WWP2: variants seen among roughly 807,000 people sequenced by gnomAD.
WWP2 encodes NEDD4-like E3 ubiquitin-protein ligase WWP2.
A neutral mutation model predicts 121.0 loss-of-function variants in WWP2; 57 were observed. That is an observed-to-expected ratio of 0.47 (90% CI 0.38 to 0.59). The LOEUF (loss-of-function observed/expected upper bound fraction) is 0.59, where lower values mean the gene tolerates loss of function less well. WWP2 is among the 20% of genes least tolerant of loss of function. The probability of loss-of-function intolerance (pLI) is 0.00; values close to 1 mark genes in which losing one functional copy is unlikely to be tolerated. For missense variants in WWP2, 962 were observed against 1,158.9 expected, an observed-to-expected ratio of 0.83 and a Z score of 2.47; for synonymous variants, 449 against 441.3, an observed-to-expected ratio of 1.02 and a Z score of -0.22.
rs144809496 is a variant in WWP2 at position 69,896,368 on chromosome 16, A to T, written c.914+8119A>T. ...TCTTGGAGGCTCAAGCGATCCTCCT[A>T]TCTTGGCCTACCAAAGTGCTGGGGT... On this transcript the variant is annotated intron_variant, in intron 8 of 23. Coordinates refer to ENST00000359154, the MANE Select transcript of WWP2 (RefSeq NM_001270454.2). Among the ~76,000 whole-genome samples, 773 of 152,206 alleles carry T rather than the reference A, an allele frequency of 5.1e-3. 6 individuals carry two copies. Among genetic ancestry groups the T allele is most frequent in the African/African-American group, 0.018 (741 of 41,540 alleles).
intron 8 of WWP2, among the ~76,000 whole-genome samples, chr16:69,903,932 C>T (rs2058247597): frequency 1.3e-5 from 2 of 152,122 alleles, no homozygotes; most frequent in South Asian, 4.1e-4. Flanking sequence ...GGCTTTTGTG[C>T]CACAAAACTA....
At chr16:69,866,695 T>C (rs1345649697) in intron 6 of WWP2, among the ~76,000 whole-genome samples, 1 of 152,184 alleles carries the variant, frequency 6.6e-6, no homozygotes, top group Non-Finnish European at 1.5e-5. Flanking sequence ...CCATACTTTA[T>C]CCATTTGTCG....
chr16:69,832,742 C>T (rs1372143886), intron 4 of WWP2, among the ~76,000 whole-genome samples: 1 of 152,188 alleles, frequency 6.6e-6, no homozygotes, highest in Non-Finnish European at 1.5e-5. Context: ...TGGGGTTTTG[C>T]CATGTTGGCC....
At chr16:69,796,512 G>A (rs60231938) in intron 2 of WWP2, among the ~76,000 whole-genome samples, 40,323 of 152,122 alleles carry the variant, frequency 0.27, 5,862 homozygotes, top group East Asian at 0.41. Context: ...GCTCACTGCC[G>A]CTGCCCAGTA....
intron 4 of WWP2, among the ~76,000 whole-genome samples, chr16:69,805,635 G>A (rs1209198112): frequency 6.6e-6 from 1 of 151,490 alleles, no homozygotes; most frequent in East Asian, 1.9e-4. Flanking sequence ...TTTTGAGACA[G>A]GATCTTGCTT....
chr16:69,798,580 A>G, intron 2 of WWP2, 102 bp from the exon 3 acceptor site: 2 of 1,347,546 alleles, frequency 1.5e-6, no homozygotes, highest in Non-Finnish European at 2.0e-6. Flanking sequence ...GTATTGATTT[A>G]TTTTTTAAAG....
chr16:69,939,041 G>A lies in WWP2; in HGVS notation c.2358G>A (p.Met786Ile), dbSNP rs756764558. 1.1e-5 allele frequency: 17 copies of A among 1,604,468 alleles called. No homozygotes were observed. Among genetic ancestry groups the A allele is most frequent in the African/African-American group, 5.3e-5 (4 of 74,800 alleles). The change falls in exon 22 of 24, where the codon ATG (methionine) becomes ATA (isoleucine). Residue 786 changes from methionine to isoleucine, a missense_variant. Met to Ile is a conservative substitution (Grantham distance 10). Coordinates refer to ENST00000359154, the MANE Select transcript of WWP2 (RefSeq NM_001270454.2). ...CGGACTTCCAGGTGGTGAAGGAGAT[G>A]GACAACGAGAAGAGGATCCGGCTGC... is the stretch of plus-strand genomic sequence containing the variant. ...IQWFWQVVKE[M>I]DNEKRIRLLQ...
rs1597119932 is a variant in WWP2, at chr16:69,892,902, A to C, written c.914+4653A>C. Among the ~76,000 whole-genome samples the C allele has an allele frequency of 2.0e-5, 3 of 152,344 alleles. No individual in the cohort carries two copies. The South Asian group carries it at 6.2e-4, about 32-fold the overall frequency. On this transcript the variant is annotated intron_variant, in intron 8 of 23. Coordinates refer to ENST00000359154, the MANE Select transcript of WWP2 (RefSeq NM_001270454.2). ...CCATTTAGAATGCTCCAGTGGCTTC[A>C]TATTGTCTTTGGGGATAAATTCCCA...
intron 6 of WWP2, among the ~76,000 whole-genome samples, chr16:69,856,792 A>AT (rs2057321823): frequency 6.6e-6 from 1 of 152,014 alleles, no homozygotes; most frequent in African/African-American, 2.4e-5. Context: ...AAAATAAAAA[A>AT]AAAATACAAC....
intron 6 of WWP2, among the ~76,000 whole-genome samples, chr16:69,849,230 G>C (rs990508490): frequency 6.6e-6 from 1 of 152,188 alleles, no homozygotes; most frequent in African/African-American, 2.4e-5. Flanking sequence ...GCAGGGAGGA[G>C]GGGTGGAGGG....
Position 69,772,994 on chromosome 16 carries a change from T to C in WWP2, c.-16+10603T>C, listed in dbSNP as rs2055448339. On this transcript the variant is annotated intron_variant, in intron 1 of 23. Coordinates refer to ENST00000359154, the MANE Select transcript of WWP2 (RefSeq NM_001270454.2). ...CTTTTTGTATTGCTTCCTGTCATTT[T>C]GATGGAGTTTGAGAAGGGAACAGAG... 2.0e-5 allele frequency among the ~76,000 whole-genome samples: 3 copies of C among 152,114 alleles called. No individual in the cohort carries two copies. In the South Asian group the frequency reaches 6.2e-4, roughly 32 times the overall value.
chr16:69,803,715 C>G (rs942440145), intron 4 of WWP2, among the ~76,000 whole-genome samples: 2 of 152,116 alleles, frequency 1.3e-5, no homozygotes, highest in Non-Finnish European at 2.9e-5. Flanking sequence ...CGAGACCAGC[C>G]TAGCCAATAT....
Position 69,937,716 on chromosome 16 carries a change from G to T in WWP2, c.2343+64G>T. 5.2e-6 allele frequency: 8 copies of T among 1,539,622 alleles called. No homozygotes were observed. Among genetic ancestry groups the T allele is most frequent in the Non-Finnish European group, 1.8e-6 (2 of 1,118,534 alleles). On this transcript the variant is annotated intron_variant, in intron 21 of 23. Coordinates refer to ENST00000359154, the MANE Select transcript of WWP2 (RefSeq NM_001270454.2). The surrounding 1 kb of genome is among the most constrained non-coding windows in gnomAD (Gnocchi z 6.6). ...CCATCAACCAAAGGAAACGGGTCCT[G>T]AGGAGGCCTCACGCGCAAGGACCTT... is the stretch of plus-strand genomic sequence containing the variant.
At chr16:69,914,568 G>A (rs2058452208) in intron 9 of WWP2, among the ~76,000 whole-genome samples, 1 of 152,068 alleles carries the variant, frequency 6.6e-6, no homozygotes, top group Admixed American at 6.6e-5. Flanking sequence ...GACCAGCCTG[G>A]GCAACACAGT....
intron 21 of WWP2, 45 bp from the exon 22 acceptor site, chr16:69,938,982 G>A (rs1391451440): frequency 3.9e-6 from 6 of 1,543,802 alleles, no homozygotes; most frequent in Non-Finnish European, 5.3e-6. Context: ...CAAAGTACTG[G>A]GCCCCGTGGG....
intron 4 of WWP2, among the ~76,000 whole-genome samples, chr16:69,821,288 C>CG (rs1300941332): frequency 6.6e-6 from 1 of 152,198 alleles, no homozygotes; most frequent in Non-Finnish European, 1.5e-5. Flanking sequence ...AAGTTGCAGC[C>CG]GGGGCCCTTT....
chr16:69,936,308 C>G lies in WWP2; in HGVS notation c.1977-4C>G. ...TCTCCCCACTTGGTCTCCTGTGCCC[C>G]CAGAGAGAACAACCTGGAAGAATGT... On this transcript the variant is annotated splice_polypyrimidine_tract_variant and splice_region_variant and intron_variant, in intron 18 of 23. Transcript: ENST00000359154. The G allele has an allele frequency of 6.2e-7, 1 of 1,614,046 alleles. No homozygotes were observed.
rs2057642457 is a variant in WWP2 at position 69,871,821 on chromosome 16, G to A, written c.593G>A (p.Gly198Asp). Reference sequence around the variant, plus strand: ...ACCCCCAGGACGCACAGACATTCGGGTGCTTCAGCCAGAACAACCCCAGCA... The same window carrying A: ...ACCCCCAGGACGCACAGACATTCGGATGCTTCAGCCAGAACAACCCCAGCA... ...GGRSRTHRHS[G>D]ASARTTPATG... Residue 198 changes from glycine to aspartate, a missense_variant, in exon 7 of 24, where the codon GGT (glycine) becomes GAT (aspartate). By Grantham distance (94) the Gly-to-Asp change is moderately conservative (BLOSUM62 -1). Coordinates refer to ENST00000359154, the MANE Select transcript of WWP2 (RefSeq NM_001270454.2). The A allele has an allele frequency of 1.2e-6, 2 of 1,614,068 alleles. No individual in the cohort carries two copies. Among genetic ancestry groups the A allele is most frequent in the Non-Finnish European group, 1.7e-6 (2 of 1,180,010 alleles).
At chr16:69,884,753 C>T (rs1031065949) in intron 7 of WWP2, among the ~76,000 whole-genome samples, 1 of 152,206 alleles carries the variant, frequency 6.6e-6, no homozygotes, top group Non-Finnish European at 1.5e-5. Context: ...AGGAAATCAA[C>T]TCATTCTGAA....
Sources: gnomAD v4.1 joint callset for allele counts (sites outside exome capture counted in the v4.1 genomes callset) on GRCh38, gnomAD v4.1.1 for gene constraint, Gnocchi (gnomAD v3.1) non-coding constraint, MANE v1.5 for transcripts, NCBI Gene and HGNC (gene_info 2026-07-23, HGNC 2026-07-21) for gene names.